The following ZBTB5 variants were observed in gnomAD, a reference collection of about 807,000 sequenced individuals.
ZBTB5 encodes zinc finger and BTB domain-containing protein 5.
Under a neutral mutation model 37.9 loss-of-function variants are expected in ZBTB5, and 15 were observed. The ratio of observed to expected loss-of-function variants is 0.40; its 90% CI spans 0.26 to 0.61. The LOEUF (loss-of-function observed/expected upper bound fraction) is 0.61. ZBTB5 is among the 20% of genes least tolerant of loss of function. The pLI, the probability that ZBTB5 is intolerant of heterozygous loss-of-function variation, is 0.47. For synonymous variants in ZBTB5, 315 were observed against 312.4 expected, an observed-to-expected ratio of 1.01 and a Z score of -0.09; for missense variants, 708 against 856.8, an observed-to-expected ratio of 0.83 and a Z score of 2.17.
intron 1 of ZBTB5, among the ~76,000 whole-genome samples, chr9:37,463,416 TAAA>T (rs910042087): frequency 6.6e-6 from 1 of 151,336 alleles, no homozygotes; most frequent in Admixed American, 6.6e-5. Flanking sequence ...TAATTTACAT[TAAA>T]AAAAAAGTTG....
chr9:37,454,877 A>G (rs309444), intron 1 of ZBTB5, among the ~76,000 whole-genome samples: 114,353 of 152,190 alleles, frequency 0.75, 45,458 homozygotes, highest in Non-Finnish European at 0.87. Context: ...TTAACATTCT[A>G]AGGAATCCTT....
In ZBTB5 at chr9:37,442,173, A is replaced by C; in HGVS notation, c.379T>G (p.Ser127Ala). ...TCCTGAACGCGCTCACTGGGGGGAG[A>C]CATGGGCAGCGTCCTTGTCGTTAAG... ...HYLTTRTLPMSPPSERVQEQS... is the reference protein window; with the variant it reads ...HYLTTRTLPMAPPSERVQEQS... The change falls in exon 2 of 2, where the codon TCT becomes GCT. Residue 127 changes from serine to alanine, a missense_variant. By Grantham distance (99) the Ser-to-Ala change is moderately conservative. Transcript: ENST00000307750. The C allele has an allele frequency of 6.2e-7, 1 of 1,614,196 alleles. No homozygotes were observed. The highest frequency in any genetic ancestry group is 8.5e-7 in the Non-Finnish European group (1 of 1,180,042).
intron 1 of ZBTB5, among the ~76,000 whole-genome samples, chr9:37,446,613 C>A (rs895797108): frequency 6.6e-6 from 1 of 152,206 alleles, no homozygotes; most frequent in Non-Finnish European, 1.5e-5. Flanking sequence ...TCCAAAGATG[C>A]AGCCACTGCC....
chr9:37,441,575 C>T lies in ZBTB5; in HGVS notation c.977G>A (p.Arg326Lys), dbSNP rs377097943. The change falls in exon 2 of 2, where the codon AGA (arginine) becomes AAA (lysine). Residue 326 changes from arginine to lysine, a missense_variant. Arg to Lys is a conservative substitution (Grantham distance 26). Transcript: ENST00000307750. Reference sequence around the variant, plus strand: ...CAGGGGCTCAGATTTAACCACCACTCTCATGTGCTCCTTCTCACCAAGGCC... The same window carrying T: ...CAGGGGCTCAGATTTAACCACCACTTTCATGTGCTCCTTCTCACCAAGGCC... Reference protein sequence around the residue: ...EVGLGEKEHMRVVVKSEPLSS... With the variant: ...EVGLGEKEHMKVVVKSEPLSS... 1.2e-6 allele frequency: 2 copies of T among 1,612,880 alleles called. No homozygotes were observed. Among genetic ancestry groups the T allele is most frequent in the African/African-American group, 2.7e-5 (2 of 74,718 alleles).
In ZBTB5 at chr9:37,440,753, G is replaced by T; in HGVS notation, c.1799C>A (p.Ser600Ter). The part of the protein sequence containing the change: ...DVLSKCKKAL[S>*]EHNVLVVEGA... Reference sequence around the variant, plus strand: ...CTCTACAACCAAAACATTGTGCTCTGATAAGGCCTTCTTGCACTTTGACAG... The same window carrying T: ...CTCTACAACCAAAACATTGTGCTCTTATAAGGCCTTCTTGCACTTTGACAG... The change falls in exon 2 of 2, where the codon TCA (serine) becomes TAA (stop). Residue 600 changes from serine (S) to a stop codon, truncating the protein, a stop_gained. Transcript: ENST00000307750. LOFTEE classifies it high-confidence loss of function. 1 of 1,614,272 alleles carries T rather than the reference G, an allele frequency of 6.2e-7. No homozygotes were observed. The highest frequency in any genetic ancestry group is 8.5e-7 in the Non-Finnish European group (1 of 1,180,048).
intron 1 of ZBTB5, among the ~76,000 whole-genome samples, chr9:37,459,977 T>C (rs561704329): frequency 2.0e-4 from 30 of 151,822 alleles, no homozygotes; most frequent in Admixed American, 7.9e-4. Context: ...CCCAAAGTGC[T>C]GGGATTACAG....
intron 1 of ZBTB5, among the ~76,000 whole-genome samples, chr9:37,458,586 G>C (rs1470604051): frequency 6.6e-6 from 1 of 152,222 alleles, no homozygotes; most frequent in Admixed American, 6.5e-5. Flanking sequence ...AAAAAAGTTT[G>C]AGAATTCAGG....
At chr9:37,458,485 G>A (rs1009488389) in intron 1 of ZBTB5, among the ~76,000 whole-genome samples, 3 of 152,098 alleles carry the variant, frequency 2.0e-5, no homozygotes, top group African/African-American at 7.2e-5. Flanking sequence ...TTATTTAGAA[G>A]TATTTACCAT....
chr9:37,446,788 A>T (rs1318317360), intron 1 of ZBTB5, among the ~76,000 whole-genome samples: 1 of 152,244 alleles, frequency 6.6e-6, no homozygotes, highest in African/African-American at 2.4e-5. Flanking sequence ...TTAAGTCTAT[A>T]GCCCTGCCTT....
intron 1 of ZBTB5, among the ~76,000 whole-genome samples, chr9:37,448,943 C>G (rs533507630): frequency 1.3e-5 from 2 of 151,460 alleles, no homozygotes; most frequent in Non-Finnish European, 3.0e-5. Context: ...ACTGGGGAGG[C>G]TGAGGCAGGA....
At chr9:37,443,574 G>A (rs918996282) in intron 1 of ZBTB5, among the ~76,000 whole-genome samples, 40 of 152,106 alleles carry the variant, frequency 2.6e-4, no homozygotes, top group Non-Finnish European at 5.6e-4. Flanking sequence ...AGGGGAAATG[G>A]AATGAAGGTG....
rs941085791 is a variant in ZBTB5, at chr9:37,461,548, C to T, written c.-5+3667G>A. Among the ~76,000 whole-genome samples the T allele has an allele frequency of 3.3e-5, 5 of 152,206 alleles. No homozygotes were observed. In the South Asian group the frequency reaches 8.3e-4, roughly 25 times the overall value. On this transcript the variant is annotated intron_variant, in intron 1 of 1. Transcript: ENST00000307750. The stretch of plus-strand genomic sequence containing the variant: ...TTCAAGACCAGCCTGGCCAACATGG[C>T]GAAACCCTGTCTCTACCAAAAAGTA...
rs748184475 is a variant in ZBTB5 at position 37,442,093 on chromosome 9, G to A, written c.459C>T (p.Ile153=). The stretch of plus-strand genomic sequence containing the variant: ...GGCTGGAATTGAGGGCTGAGCTCAC[G>A]ATGCTTAGTCCCAGCTGCTGTAGCA... ...SFMLQQLGLS[I]VSSALNSSQN... The change falls in exon 2 of 2, where the codon ATC becomes ATT. Residue 153 remains isoleucine, a synonymous_variant. Transcript: ENST00000307750. 1.2e-5 allele frequency: 20 copies of A among 1,613,916 alleles called. No individual in the cohort carries two copies. The East Asian group carries it at 3.3e-4, about 27-fold the overall frequency.
rs1463429018 is a variant in ZBTB5, at chr9:37,441,236, C to T, written c.1316G>A (p.Arg439Lys). ...CAAATAGGGGGCCTCACTCTCCAGC[C>T]TGCAGTCACTAGTGGTGTTTGGAAT... ...DNIPNTTSDC[R>K]LESEAPYLLS... The change falls in exon 2 of 2, where the codon AGG becomes AAG. Residue 439 changes from arginine (R) to lysine (K), a missense_variant. Arg to Lys is a conservative substitution (Grantham distance 26). Around this residue, in one of 3 missense-constraint regions of ZBTB5, gnomAD observed 639 missense variants for 690.5 expected, o/e 0.93. Coordinates refer to ENST00000307750, the MANE Select transcript of ZBTB5 (RefSeq NM_014872.3). 1.2e-6 allele frequency: 2 copies of T among 1,614,204 alleles called. No individual in the cohort carries two copies. Among genetic ancestry groups the T allele is most frequent in the East Asian group, 2.2e-5 (1 of 44,882 alleles).
intron 1 of ZBTB5, among the ~76,000 whole-genome samples, chr9:37,451,274 T>C (rs934056918): frequency 1.3e-5 from 2 of 151,978 alleles, no homozygotes; most frequent in Non-Finnish European, 2.9e-5. Context: ...ATTCGTTAAA[T>C]GATGTTCACT....
At chr9:37,463,779 C>T (rs1295375436) in intron 1 of ZBTB5, among the ~76,000 whole-genome samples, 4 of 152,124 alleles carry the variant, frequency 2.6e-5, no homozygotes, top group Non-Finnish European at 4.4e-5. Flanking sequence ...CCTCAGCTAA[C>T]TAAAAGTTAT....
chr9:37,457,019 CCTAA>C (rs1328492830), intron 1 of ZBTB5, among the ~76,000 whole-genome samples: 16 of 152,146 alleles, frequency 1.1e-4, no homozygotes, highest in East Asian at 1.9e-4. Flanking sequence ...TTTCTAGTTC[CCTAA>C]CTAACTGAAG....
chr9:37,462,681 G>A (rs187807613), intron 1 of ZBTB5, among the ~76,000 whole-genome samples: 2 of 151,156 alleles, frequency 1.3e-5, no homozygotes, highest in East Asian at 1.9e-4. Flanking sequence ...CTTCCGCCTC[G>A]GCCTCCTGAG....
At chr9:37,452,540 A>C (rs1159729243) in intron 1 of ZBTB5, among the ~76,000 whole-genome samples, 3 of 152,244 alleles carry the variant, frequency 2.0e-5, no homozygotes, top group African/African-American at 7.2e-5. Flanking sequence ...AGGGTTCCCC[A>C]GAGGCAAATC....
Sources: allele counts gnomAD v4.1 joint callset (sites outside exome capture counted in the v4.1 genomes callset), GRCh38; gene constraint gnomAD v4.1.1; regional missense constraint gnomAD v4.1.1; transcripts MANE v1.5; gene names NCBI Gene and HGNC (gene_info 2026-07-23, HGNC 2026-07-21).